Variants in HACD1 observed in about 807,000 individuals in gnomAD.
HACD1 encodes the protein 3-hydroxyacyl-CoA dehydratase 1.
HACD1 carries 41 observed loss-of-function variants against 32.0 expected under a neutral mutation model. That is an observed-to-expected ratio of 1.28 (90% CI 1.00 to 1.66). HACD1 has a LOEUF of 1.66. Ranked by LOEUF, HACD1 falls within the 40% of genes most tolerant of loss-of-function variation. The pLI, the probability that HACD1 is intolerant of heterozygous loss-of-function variation, is 0.00. For missense variants in HACD1, 396 were observed against 380.1 expected (o/e 1.04, Z -0.35); for synonymous variants, 142 against 139.0 (o/e 1.02, Z -0.15).
intron 1 of HACD1, among the ~76,000 whole-genome samples, chr10:17,606,240 G>A (rs1180137425): frequency 2.0e-5 from 3 of 152,154 alleles, no homozygotes; most frequent in Non-Finnish European, 4.4e-5. Context: ...TTAAACTTAC[G>A]TTTGCATATA....
At chr10:17,596,404 C>T (rs1232096825) in intron 5 of HACD1, among the ~76,000 whole-genome samples, 3 of 152,002 alleles carry the variant, frequency 2.0e-5, no homozygotes, top group African/African-American at 7.2e-5. Flanking sequence ...AATCCCATAA[C>T]TGGACATTTT....
intron 1 of HACD1, 133 bp downstream of exon 1, chr10:17,616,950 G>C (rs576608463): frequency 9.7e-7 from 1 of 1,032,190 alleles, no homozygotes; most frequent in East Asian, 3.6e-5. Context: ...TGGCCGCGGC[G>C]ACAGCTCCCT....
intron 1 of HACD1, among the ~76,000 whole-genome samples, chr10:17,613,713 C>T (rs879950311): frequency 1.3e-5 from 2 of 152,062 alleles, no homozygotes; most frequent in Admixed American, 6.6e-5. Flanking sequence ...CCTGATTTGC[C>T]GGGGAAGGGT....
chr10:17,608,600 C>A (rs1834181918), intron 1 of HACD1, among the ~76,000 whole-genome samples: 1 of 151,914 alleles, frequency 6.6e-6, no homozygotes, highest in South Asian at 2.1e-4. Flanking sequence ...GATTCTCGTG[C>A]CTTAGCCTCC....
intron 6 of HACD1, among the ~76,000 whole-genome samples, chr10:17,593,954 G>C (rs954677725): frequency 3.3e-5 from 5 of 152,106 alleles, no homozygotes; most frequent in South Asian, 2.1e-4. Flanking sequence ...CTAAGCTGAT[G>C]TTTAAATGAT....
chr10:17,599,030 G>C, intron 5 of HACD1: 2 of 477,868 alleles, frequency 4.2e-6, no homozygotes, highest in Non-Finnish European at 6.0e-6. Flanking sequence ...AAAAATGAAT[G>C]ACTAATTCTG....
intron 1 of HACD1, among the ~76,000 whole-genome samples, chr10:17,612,930 A>G (rs560904120): frequency 2.3e-4 from 35 of 151,942 alleles, no homozygotes; most frequent in African/African-American, 7.7e-4. Context: ...CAAAAAAAAA[A>G]AAACAAAAAC....
intron 5 of HACD1, among the ~76,000 whole-genome samples, chr10:17,596,444 T>G (rs1296298495): frequency 6.6e-6 from 1 of 151,802 alleles, no homozygotes; most frequent in Non-Finnish European, 1.5e-5. Flanking sequence ...ATACCCAAAC[T>G]GATTAAGTTG....
chr10:17,609,641 G>A (rs1219350040), intron 1 of HACD1, among the ~76,000 whole-genome samples: 1 of 152,180 alleles, frequency 6.6e-6, no homozygotes, highest in East Asian at 1.9e-4. Context: ...TGGCAAGGAT[G>A]TGCACCAATG....
intron 1 of HACD1, 96 bp from the exon 2 acceptor site, chr10:17,604,143 G>C: frequency 1.1e-6 from 1 of 906,758 alleles, no homozygotes; most frequent in Non-Finnish European, 1.7e-6. Flanking sequence ...ATAGTGAAAA[G>C]GTAAAAGCAA....
In HACD1 at chr10:17,589,182, A is replaced by G. The variant is rs1564502504; in HGVS notation, c.*1182T>C. The G allele has an allele frequency of 6.6e-6, 1 of 152,212 alleles. No individual in the cohort carries two copies. Among genetic ancestry groups the G allele is most frequent in the Admixed American group, 6.5e-5 (1 of 15,278 alleles). The allele number at this position is 152,212 out of a possible 1,614,324, so 9.4% of individuals were successfully genotyped here. Reference sequence around the variant, plus strand: ...AGTACCACAAAGGGATTATCATAACAATTGTTACAAGATAATTCTACAGTA... The same window carrying G: ...AGTACCACAAAGGGATTATCATAACGATTGTTACAAGATAATTCTACAGTA... On this transcript the variant is annotated 3_prime_UTR_variant, in exon 7 of 7. Coordinates refer to ENST00000361271, the MANE Select transcript of HACD1 (RefSeq NM_014241.4).
At chr10:17,616,412 AG>A (rs1833085094) in intron 1 of HACD1, among the ~76,000 whole-genome samples, 1 of 152,248 alleles carries the variant, frequency 6.6e-6, no homozygotes, top group African/African-American at 2.4e-5. Flanking sequence ...TTTTCCCAAC[AG>A]GTTTTGAGAA....
At chr10:17,614,057 G>A (rs1280865047) in intron 1 of HACD1, among the ~76,000 whole-genome samples, 5 of 152,158 alleles carry the variant, frequency 3.3e-5, no homozygotes, top group African/African-American at 1.2e-4. Context: ...ATGCATTGAT[G>A]TTCATTTTTG....
intron 6 of HACD1, among the ~76,000 whole-genome samples, chr10:17,592,485 G>A (rs1554815658): frequency 1.3e-5 from 2 of 152,110 alleles, no homozygotes; most frequent in Non-Finnish European, 2.9e-5. Flanking sequence ...TGGAAAACAT[G>A]TTCTGGGCTG....
At position 17,599,417 on chromosome 10, in the gene HACD1, G is replaced by C. The variant is rs782814697; in HGVS notation, c.484-6C>G. On this transcript the variant is annotated splice_region_variant and splice_polypyrimidine_tract_variant and intron_variant, in intron 4 of 6. Transcript: ENST00000361271. ...ACACTCTCTTCATTCTGGATCTGCAGAATTACAGAGAAACCCAGTGTCATT... is the reference window on the plus strand; with the variant it reads ...ACACTCTCTTCATTCTGGATCTGCACAATTACAGAGAAACCCAGTGTCATT... 1.9e-6 allele frequency: 3 copies of C among 1,611,508 alleles called. No individual in the cohort carries two copies. Among genetic ancestry groups the C allele is most frequent in the South Asian group, 1.1e-5 (1 of 90,770 alleles).
intron 1 of HACD1, among the ~76,000 whole-genome samples, chr10:17,608,346 T>C (rs1214865054): frequency 6.6e-6 from 1 of 152,092 alleles, no homozygotes; most frequent in African/African-American, 2.4e-5. Context: ...TCTTTTGTGA[T>C]GCTAGCAGTT....
At chr10:17,599,800 A>G (rs542797928) in intron 4 of HACD1, among the ~76,000 whole-genome samples, 3 of 152,278 alleles carry the variant, frequency 2.0e-5, no homozygotes, top group African/African-American at 7.2e-5. Flanking sequence ...TTTTACTACT[A>G]TTTTAATTCA....
intron 1 of HACD1, among the ~76,000 whole-genome samples, chr10:17,604,971 G>A (rs971406897): frequency 2.6e-5 from 4 of 152,092 alleles, no homozygotes; most frequent in Non-Finnish European, 5.9e-5. Flanking sequence ...CTCCCAAAGT[G>A]CTGGGATTAC....
intron 1 of HACD1, 103 bp from the exon 2 acceptor site, chr10:17,604,150 G>C (rs782015364): frequency 2.4e-6 from 2 of 831,164 alleles, no homozygotes; most frequent in Non-Finnish European, 3.8e-6. Context: ...AAAGGTAAAA[G>C]CAACCCAGGT....
Sources: allele counts gnomAD v4.1 joint callset (sites outside exome capture counted in the v4.1 genomes callset), GRCh38; gene constraint gnomAD v4.1.1; transcripts MANE v1.5; gene names NCBI Gene and HGNC (gene_info 2026-07-23, HGNC 2026-07-21).